The following CELSR3 variants were observed in gnomAD, a reference collection of about 807,000 sequenced individuals.
CELSR3 encodes cadherin EGF LAG seven-pass G-type receptor 3, also known as EGF-like protein 1.
CELSR3 carries 73 observed loss-of-function variants against 270.0 expected under a neutral mutation model. The observed-to-expected ratio is 0.27, with a 90% CI of 0.22 to 0.33. The LOEUF is 0.33. Among genes scored for constraint, CELSR3 ranks in the 10% least tolerant of loss-of-function variants. The pLI is 1.00. For missense variants in CELSR3, 3,614 were observed against 4,533.8 expected, an observed-to-expected ratio of 0.80 and a Z score of 5.83; for synonymous variants, 1,780 against 1,905.4, an observed-to-expected ratio of 0.93 and a Z score of 1.71.
Position 48,661,810 on chromosome 3 carries a change from G to T in CELSR3, c.825C>A (p.Arg275=). 1 of 1,609,162 alleles carries T rather than the reference G, an allele frequency of 6.2e-7. No homozygotes were observed. ...SRTAPEPAPK[R]MRSRGLFRCR... ...AGCGGAAGAGACCCCGGGAGCGCAT[G>T]CGCTTGGGCGCCGGCTCGGGAGCTG... The change falls in exon 1 of 35, where the codon CGC becomes CGA. Residue 275 remains arginine (R), a synonymous_variant. Coordinates refer to ENST00000164024, the MANE Select transcript of CELSR3 (RefSeq NM_001407.3).
chr3:48,643,861 CA>C, intron 27 of CELSR3, 184 bp from the exon 28 acceptor site: 1 of 678,384 alleles, frequency 1.5e-6, no homozygotes, highest in Non-Finnish European at 2.4e-6. Flanking sequence ...AACAGGAGAG[CA>C]GTCAAAGAGC....
chr3:48,655,354 G>T lies in CELSR3; in HGVS notation c.4782C>A (p.Gly1594=), dbSNP rs1220499626. The change falls in exon 5 of 35, where the codon GGC becomes GGA. Residue 1594 remains glycine (G), a synonymous_variant. Coordinates refer to ENST00000164024, the MANE Select transcript of CELSR3 (RefSeq NM_001407.3). This position sits in a 1 kb window ranked among gnomAD's most constrained non-coding sequence, Gnocchi z 5.8. ...NTVVSPTVPG[G]LSDGQWHTVH... ...CTGTATGCCATTGCCCGTCACTCAA[G>T]CCCCCTGGAACTGTGGGGCTGACCA... The T allele has an allele frequency of 6.2e-7, 1 of 1,614,090 alleles. No homozygotes were observed.
Position 48,642,543 on chromosome 3 carries a change from G to A in CELSR3, c.8556-76C>T, listed in dbSNP as rs576914037. The A allele has an allele frequency of 4.7e-6, 7 of 1,490,554 alleles. No homozygotes were observed. In the South Asian group the frequency reaches 5.0e-5, roughly 11 times the overall value. The allele number at this position is 1,490,554 out of a possible 1,614,324, so 92.3% of individuals were successfully genotyped here. A position where few individuals can be genotyped will look rare whatever the true frequency, so the allele number is the denominator to read the frequency against. ...CTTGGAGGCTGGAGTGTCTTTGAGT[G>A]CACAGCCAGCTGCGGGTGGAATGGC... On this transcript the variant is annotated intron_variant, in intron 30 of 34. Coordinates refer to ENST00000164024, the MANE Select transcript of CELSR3 (RefSeq NM_001407.3). This position sits in a 1 kb window ranked among gnomAD's most constrained non-coding sequence, Gnocchi z 6.1.
At position 48,651,924 on chromosome 3, in the gene CELSR3, G is replaced by A. The variant is rs1221036817; in HGVS notation, c.5876C>T (p.Ala1959Val). The change falls in exon 12 of 35, where the codon GCA becomes GTA. Residue 1959 changes from alanine (A) to valine (V), a missense_variant. Transcript: ENST00000164024. This position sits in a 1 kb window ranked among gnomAD's most constrained non-coding sequence, Gnocchi z 7.4. The stretch of plus-strand genomic sequence containing the variant: ...GGTCTGCCAGAGGTCCCGGCAGTCT[G>A]CGTGAGGTGGGCAGGGCCCAGAGGC... ...ACASGPCPPH[A>V]DCRDLWQTFS... 6.2e-7 allele frequency: 1 copy of A among 1,612,374 alleles called. No individual in the cohort carries two copies. The highest frequency in any genetic ancestry group is 8.5e-7 in the Non-Finnish European group (1 of 1,179,598).
rs145778862 is a variant in CELSR3 at position 48,648,899 on chromosome 3, T to G, written c.6597A>C (p.Ala2199=). The G allele has an allele frequency of 1.1e-5, 17 of 1,612,720 alleles. No homozygotes were observed. Among genetic ancestry groups the G allele is most frequent in the African/African-American group, 1.3e-5 (1 of 74,920 alleles). Residue 2199 remains alanine (A), a synonymous_variant, in exon 18 of 35, where the codon GCA becomes GCC. Transcript: ENST00000164024. ...LLDGLELNKT[A]LDTMEAKKLA... Reference sequence around the variant, plus strand: ...GCTTCTTGGCCTCCATGGTATCCAGTGCCGTCTTGTTCAGCTCTAGGCCAT... The same window carrying G: ...GCTTCTTGGCCTCCATGGTATCCAGGGCCGTCTTGTTCAGCTCTAGGCCAT...
At chr3:48,648,192 C>T in intron 19 of CELSR3, 74 bp downstream of exon 19, 1 of 1,515,728 alleles carries the variant, frequency 6.6e-7, no homozygotes, top group Non-Finnish European at 9.0e-7. Context: ...ATAGCCACAG[C>T]CCCTCAGACC....
At position 48,638,169 on chromosome 3, in the gene CELSR3, C is replaced by CTAACAGCTGTTA. The variant is rs763284584; in HGVS notation, c.*35_*36insTAACAGCTGTTA. The CTAACAGCTGTTA allele has an allele frequency of 5.0e-6, 8 of 1,598,846 alleles. No individual in the cohort carries two copies. In the South Asian group the frequency reaches 8.8e-5, roughly 18 times the overall value. On this transcript the variant is annotated 3_prime_UTR_variant, in exon 35 of 35. Coordinates refer to ENST00000164024, the MANE Select transcript of CELSR3 (RefSeq NM_001407.3). Reference sequence around the variant, plus strand: ...TCTCCTGTTAGCCTAGATCCTCTGTCGCCCTCAGCTGTTCCTCGTCCACGC... The same window carrying CTAACAGCTGTTA: ...TCTCCTGTTAGCCTAGATCCTCTGTCTAACAGCTGTTAGCCCTCAGCTGTTCCTCGTCCACGC...
Position 48,645,731 on chromosome 3 carries a change from C to T in CELSR3, c.7590+11G>A, listed in dbSNP as rs377241093. 32 of 1,605,948 alleles carry T rather than the reference C, an allele frequency of 2.0e-5. No homozygotes were observed. The African/African-American group carries it at 3.2e-4, about 16-fold the overall frequency. ...CCCCCCACTTCCTTGGGACACTGAA[C>T]ACAGCCCCACCTCACGGGGAGAGGC... is the stretch of plus-strand genomic sequence containing the variant. On this transcript the variant is annotated intron_variant, in intron 23 of 34. Coordinates refer to ENST00000164024, the MANE Select transcript of CELSR3 (RefSeq NM_001407.3). This position sits in a 1 kb window ranked among gnomAD's most constrained non-coding sequence, Gnocchi z 5.4.
chr3:48,636,716 A>G lies in CELSR3; in HGVS notation c.*1489T>C, dbSNP rs181823161. ...CTCCAGTCAGGGAAGTAGAATTTCT[A>G]ATCTCCCAGGAAGCTGCTTCCCAAG... is the stretch of plus-strand genomic sequence containing the variant. On this transcript the variant is annotated 3_prime_UTR_variant, in exon 35 of 35. Coordinates refer to ENST00000164024, the MANE Select transcript of CELSR3 (RefSeq NM_001407.3). 6.6e-6 allele frequency: 1 copy of G among 152,248 alleles called. No individual in the cohort carries two copies. The highest frequency in any genetic ancestry group is 6.5e-5 in the Admixed American group (1 of 15,292). The allele number at this position is 152,248 out of a possible 1,614,324, so 9.4% of individuals were successfully genotyped here. A position where few individuals can be genotyped will look rare whatever the true frequency, so the allele number is the denominator to read the frequency against.
rs756196478 is a variant in CELSR3, at chr3:48,660,734, G to C, written c.1901C>G (p.Thr634Arg). 6.2e-7 allele frequency: 1 copy of C among 1,614,090 alleles called. No individual in the cohort carries two copies. Among genetic ancestry groups the C allele is most frequent in the Admixed American group, 1.7e-5 (1 of 60,036 alleles). ...DAGRPPLSNN[T>R]GLASIQVVDI... ...CACCACCTGGATGCTGGCCAGGCCC[G>C]TGTTGTTGGACAGCGGTGGCCGGCC... is the stretch of plus-strand genomic sequence containing the variant. Residue 634 changes from threonine to arginine, a missense_variant, in exon 1 of 35, where the codon ACG (threonine) becomes AGG (arginine). Thr to Arg is a moderately conservative substitution (Grantham distance 71, BLOSUM62 -1). Around this residue, in one of 7 missense-constraint regions of CELSR3, gnomAD observed 354 missense variants for 500.9 expected, o/e 0.71. Coordinates refer to ENST00000164024, the MANE Select transcript of CELSR3 (RefSeq NM_001407.3). The surrounding 1 kb of genome is among the most constrained non-coding windows in gnomAD (Gnocchi z 5.5).
chr3:48,651,675 G>A lies in CELSR3; in HGVS notation c.5967C>T (p.Pro1989=), dbSNP rs201165678. Residue 1989 remains proline, a synonymous_variant, in exon 13 of 35, where the codon CCC becomes CCT. Coordinates refer to ENST00000164024, the MANE Select transcript of CELSR3 (RefSeq NM_001407.3). This position sits in a 1 kb window ranked among gnomAD's most constrained non-coding sequence, Gnocchi z 7.4. ...PGCVDACLLN[P]CQNQGSCRHL... Reference sequence around the variant, plus strand: ...GCCGGCATGATCCCTGGTTCTGACAGGGGTTCAGGAGGCAGGCATCCACAC... The same window carrying A: ...GCCGGCATGATCCCTGGTTCTGACAAGGGTTCAGGAGGCAGGCATCCACAC... 6.3e-7 allele frequency: 1 copy of A among 1,579,966 alleles called. No homozygotes were observed. The highest frequency in any genetic ancestry group is 1.4e-5 in the African/African-American group (1 of 73,890).
Position 48,645,721 on chromosome 3 carries a change from G to A in CELSR3, c.7590+21C>T, listed in dbSNP as rs376806502. ...GTCCCTTTGACCCCCCACTTCCTTG[G>A]GACACTGAACACAGCCCCACCTCAC... On this transcript the variant is annotated intron_variant, in intron 23 of 34. Transcript: ENST00000164024. The surrounding 1 kb of genome is among the most constrained non-coding windows in gnomAD (Gnocchi z 5.4). The A allele has an allele frequency of 8.1e-6, 13 of 1,603,368 alleles. No individual in the cohort carries two copies. The highest frequency in any genetic ancestry group is 4.0e-5 in the African/African-American group (3 of 74,730).
chr3:48,654,248 G>A lies in CELSR3; in HGVS notation c.5152+41C>T. The stretch of plus-strand genomic sequence containing the variant: ...TCCTCCACTTCCTCCCTATGATGGG[G>A]ACAGGGCCATGGGCTAGGCTGGTGG... On this transcript the variant is annotated intron_variant, in intron 7 of 34. Transcript: ENST00000164024. This position sits in a 1 kb window ranked among gnomAD's most constrained non-coding sequence, Gnocchi z 5.4. The A allele has an allele frequency of 1.2e-6, 2 of 1,612,328 alleles. No homozygotes were observed. Among genetic ancestry groups the A allele is most frequent in the Non-Finnish European group, 1.7e-6 (2 of 1,179,334 alleles).
At position 48,658,748 on chromosome 3, in the gene CELSR3, TTGTAGGGTGCAGGAACCC is replaced by T. The variant is rs1413149090; in HGVS notation, c.3748+121_3748+138del. Reference sequence around the variant, plus strand: ...GTCCTTGTGAGGTCTGTGGCAGATCTTGTAGGGTGCAGGAACCCTACCCTTAAGGGGTTCTTGGAAGGC... The same window carrying T: ...GTCCTTGTGAGGTCTGTGGCAGATCTTACCCTTAAGGGGTTCTTGGAAGGC... On this transcript the variant is annotated intron_variant, in intron 1 of 34. Transcript: ENST00000164024. The surrounding 1 kb of genome is among the most constrained non-coding windows in gnomAD (Gnocchi z 4.7). 6.2e-6 allele frequency: 6 copies of T among 971,824 alleles called. No individual in the cohort carries two copies. The Admixed American group carries it at 1.6e-4, about 26-fold the overall frequency. The allele number at this position is 971,824 out of a possible 1,614,324, so 60.2% of individuals were successfully genotyped here.
At position 48,656,188 on chromosome 3, in the gene CELSR3, A is replaced by G. The variant is rs778569740; in HGVS notation, c.4577T>C (p.Val1526Ala). ...AARSFPPSSF[V>A]MFRGLRQRFH... is the part of the protein sequence containing the mutation. ...TCGCTGCCGCAGGCCGCGAAACATG[A>G]CGAACGAACTGGGCGGGAAGGAGCG... The change falls in exon 3 of 35, where the codon GTC (valine) becomes GCC (alanine). Residue 1526 changes from valine to alanine, a missense_variant. By Grantham distance (64) the Val-to-Ala change is moderately conservative (BLOSUM62 0). Transcript: ENST00000164024. The G allele has an allele frequency of 3.3e-6, 5 of 1,538,022 alleles. No individual in the cohort carries two copies. The African/African-American group carries it at 4.1e-5, about 13-fold the overall frequency.
In CELSR3 at chr3:48,657,409, A is replaced by G; in HGVS notation, c.3749-61T>C. ...GACAGTGGCCACCCCTCCCTGGGAC[A>G]CAAGAGGGCTGGGGCCAGCGATAGC... On this transcript the variant is annotated intron_variant, in intron 1 of 34. Coordinates refer to ENST00000164024, the MANE Select transcript of CELSR3 (RefSeq NM_001407.3). This position sits in a 1 kb window ranked among gnomAD's most constrained non-coding sequence, Gnocchi z 5.4. 6.8e-7 allele frequency: 1 copy of G among 1,468,388 alleles called. No individual in the cohort carries two copies. The allele number at this position is 1,468,388 out of a possible 1,614,324, so 91.0% of individuals were successfully genotyped here. A position where few individuals can be genotyped will look rare whatever the true frequency, so the allele number is the denominator to read the frequency against.
In CELSR3 at chr3:48,653,290, C is replaced by G; in HGVS notation, c.5449-103G>C. 1 of 1,079,620 alleles carries G rather than the reference C, an allele frequency of 9.3e-7. No homozygotes were observed. Among genetic ancestry groups the G allele is most frequent in the Non-Finnish European group, 1.4e-6 (1 of 739,674 alleles). 66.9% of individuals were successfully genotyped at this position (1,079,620 alleles called of 1,614,324 possible). A position where few individuals can be genotyped will look rare whatever the true frequency, so the allele number is the denominator to read the frequency against. ...AGGTCAGGAATATCAGAGGTCAGAA[C>G]AGTGGGGTCAAGGTTATACCTGGCA... is the stretch of plus-strand genomic sequence containing the variant. On this transcript the variant is annotated intron_variant, in intron 9 of 34. Transcript: ENST00000164024. This position sits in a 1 kb window ranked among gnomAD's most constrained non-coding sequence, Gnocchi z 6.5.
intron 20 of CELSR3, 150 bp from the exon 21 acceptor site, chr3:48,647,078 C>T (rs2047090839): frequency 1.4e-6 from 1 of 698,304 alleles, no homozygotes; most frequent in Non-Finnish European, 2.2e-6. Context: ...AAGTAACAGT[C>T]AAGGCCTGGG....
rs1347047288 is a variant in CELSR3, at chr3:48,639,178, A to G, written c.9911+496T>C. Reference sequence around the variant, plus strand: ...AAGTGTCCACAGACAGGAGGAACTCAATGTTGACTGAATACATCGATGAAT... The same window carrying G: ...AAGTGTCCACAGACAGGAGGAACTCGATGTTGACTGAATACATCGATGAAT... On this transcript the variant is annotated intron_variant, in intron 34 of 34. Coordinates refer to ENST00000164024, the MANE Select transcript of CELSR3 (RefSeq NM_001407.3). The surrounding 1 kb of genome is among the most constrained non-coding windows in gnomAD (Gnocchi z 4.1). Among the ~76,000 whole-genome samples the G allele has an allele frequency of 6.6e-6, 1 of 152,200 alleles. No homozygotes were observed. Among genetic ancestry groups the G allele is most frequent in the Non-Finnish European group, 1.5e-5 (1 of 68,050 alleles).
Sources: allele counts gnomAD v4.1 joint callset (sites outside exome capture counted in the v4.1 genomes callset), GRCh38; gene constraint gnomAD v4.1.1; regional missense constraint gnomAD v4.1.1; non-coding constraint Gnocchi (gnomAD v3.1); transcripts MANE v1.5; gene names NCBI Gene and HGNC (gene_info 2026-07-23, HGNC 2026-07-21).